Variants in ARL3 observed in about 807,000 individuals in gnomAD.
ARL3 encodes ADP-ribosylation factor-like protein 3.
A neutral mutation model predicts 26.0 loss-of-function variants in ARL3; 9 were observed. The ratio of observed to expected loss-of-function variants is 0.35; its 90% CI spans 0.21 to 0.60. The LOEUF (loss-of-function observed/expected upper bound fraction) is 0.60, where lower values mean the gene tolerates loss of function less well. Among genes scored for constraint, ARL3 ranks in the 20% least tolerant of loss-of-function variants. ARL3 has a pLI of 0.78. For missense variants in ARL3, 158 were observed against 215.7 expected (o/e 0.73, Z 1.67); for synonymous variants, 71 against 78.4 (o/e 0.91, Z 0.50).
chr10:102,711,316 G>C (rs1030069284), intron 1 of ARL3, among the ~76,000 whole-genome samples: 8 of 130,798 alleles, frequency 6.1e-5, no homozygotes, highest in Non-Finnish European at 1.0e-4. Context: ...TTCAGCTTCT[G>C]TGTGTGTGTG....
chr10:102,693,613 T>C (rs969144492), intron 3 of ARL3, among the ~76,000 whole-genome samples: 1 of 152,228 alleles, frequency 6.6e-6, no homozygotes, highest in African/African-American at 2.4e-5. Context: ...GCAAATATTT[T>C]CTCCCAGTCT....
intron 3 of ARL3, among the ~76,000 whole-genome samples, chr10:102,696,621 GA>G (rs2064250015): frequency 6.6e-6 from 1 of 152,162 alleles, no homozygotes; most frequent in Admixed American, 6.6e-5. Context: ...TACAGTGCAA[GA>G]GAAAGCTAAT....
intron 5 of ARL3, 114 bp from the exon 6 acceptor site, chr10:102,677,055 C>A (rs899679894): frequency 1.6e-6 from 2 of 1,215,560 alleles, no homozygotes; most frequent in Non-Finnish European, 2.4e-6. Context: ...AGACCGCCAG[C>A]TTTAGGGAGT....
chr10:102,691,772 CAGTGTGG>C (rs2064219233), intron 3 of ARL3, among the ~76,000 whole-genome samples: 2 of 152,280 alleles, frequency 1.3e-5, no homozygotes, highest in African/African-American at 4.8e-5. Context: ...CTCTTCTAGG[CAGTGTGG>C]AGTCTAGCGT....
At chr10:102,678,639 T>C (rs1415901292) in intron 5 of ARL3, among the ~76,000 whole-genome samples, 1 of 152,216 alleles carries the variant, frequency 6.6e-6, no homozygotes, top group Non-Finnish European at 1.5e-5. Flanking sequence ...TCAAGGACAG[T>C]GTGCCCACAC....
intron 1 of ARL3, among the ~76,000 whole-genome samples, chr10:102,710,568 A>C (rs1237519701): frequency 6.6e-6 from 1 of 152,234 alleles, no homozygotes; most frequent in East Asian, 1.9e-4. Flanking sequence ...TGGCCAAAAT[A>C]TCCATTCACG....
rs2064208601 is a variant in ARL3 at position 102,690,043 on chromosome 10, A to G, written c.265-100T>C. On this transcript the variant is annotated intron_variant, in intron 3 of 5. Transcript: ENST00000260746. ...GGTGATCCCCAATCAGCATATTCCA[A>G]TTAGCACAACATACAGAAATTGACT... The G allele has an allele frequency of 1.0e-5, 7 of 677,164 alleles. No individual in the cohort carries two copies. In the Admixed American group the frequency reaches 1.5e-4, roughly 14 times the overall value. The allele number at this position is 677,164 out of a possible 1,614,324, so 41.9% of individuals were successfully genotyped here. A position where few individuals can be genotyped will look rare whatever the true frequency, so the allele number is the denominator to read the frequency against.
chr10:102,695,674 C>T (rs1469419030), intron 3 of ARL3, among the ~76,000 whole-genome samples: 2 of 152,050 alleles, frequency 1.3e-5, no homozygotes, highest in African/African-American at 4.8e-5. Context: ...TGTGCCGCCA[C>T]GCCCAGCTAA....
intron 1 of ARL3, among the ~76,000 whole-genome samples, chr10:102,710,335 T>C (rs1272646854): frequency 6.6e-6 from 1 of 152,182 alleles, no homozygotes; most frequent in Admixed American, 6.5e-5. Context: ...GGGAAGAGGA[T>C]ATTTATAGAG....
At chr10:102,694,014 T>G (rs2064234041) in intron 3 of ARL3, among the ~76,000 whole-genome samples, 2 of 151,932 alleles carry the variant, frequency 1.3e-5, no homozygotes, top group South Asian at 2.1e-4. Context: ...TTGAGATGGA[T>G]TCTTGCTCTG....
At chr10:102,691,547 A>C (rs2136001315) in intron 3 of ARL3, among the ~76,000 whole-genome samples, 1 of 152,222 alleles carries the variant, frequency 6.6e-6, no homozygotes, top group East Asian at 1.9e-4. Context: ...AATTTCATAT[A>C]ATTTTCACAT....
chr10:102,680,830 T>C (rs1396944078), intron 5 of ARL3, among the ~76,000 whole-genome samples: 1 of 152,124 alleles, frequency 6.6e-6, no homozygotes, highest in Non-Finnish European at 1.5e-5. Context: ...CATTGTGCCA[T>C]CAGGCCCCCA....
intron 4 of ARL3, among the ~76,000 whole-genome samples, chr10:102,689,389 C>T (rs1463866464): frequency 6.6e-6 from 1 of 152,104 alleles, no homozygotes; most frequent in Non-Finnish European, 1.5e-5. Flanking sequence ...GGTATTTTTG[C>T]CTGCTTGCTA....
intron 4 of ARL3, among the ~76,000 whole-genome samples, chr10:102,689,338 A>C (rs760890879): frequency 4.6e-5 from 7 of 152,102 alleles, no homozygotes; most frequent in Non-Finnish European, 8.8e-5. Flanking sequence ...AGGGGGGAAA[A>C]AAAAACTGTT....
intron 5 of ARL3, among the ~76,000 whole-genome samples, chr10:102,678,349 C>T (rs2064140489): frequency 1.3e-5 from 2 of 151,918 alleles, no homozygotes; most frequent in Admixed American, 6.6e-5. Flanking sequence ...ATTTTAAGAC[C>T]ATTTTATGAA....
At chr10:102,695,308 GC>G (rs1441241160) in intron 3 of ARL3, among the ~76,000 whole-genome samples, 1 of 152,094 alleles carries the variant, frequency 6.6e-6, no homozygotes, top group Non-Finnish European at 1.5e-5. Context: ...TATGAGTTTT[GC>G]AGGTTTCTTC....
intron 3 of ARL3, among the ~76,000 whole-genome samples, chr10:102,690,829 G>A (rs371391480): frequency 1.6e-4 from 24 of 150,878 alleles, no homozygotes; most frequent in Admixed American, 2.0e-4. Context: ...TCTCAATGTC[G>A]TCTTCCCTAA....
chr10:102,678,223 G>C (rs957142168), intron 5 of ARL3, among the ~76,000 whole-genome samples: 1 of 152,188 alleles, frequency 6.6e-6, no homozygotes, highest in African/African-American at 2.4e-5. Context: ...AAGGTGGACA[G>C]CACCTGGCAG....
rs547020577 is a variant in ARL3 at position 102,697,226 on chromosome 10, C to A, written c.264+2147G>T. On this transcript the variant is annotated intron_variant, in intron 3 of 5. Transcript: ENST00000260746. ...AGAGAGTCTCGCTGTGTTGCCCAGG[C>A]TGGAGTGCAGTGGCGCAATCTTGGC... Among the ~76,000 whole-genome samples the A allele has an allele frequency of 1.3e-3, 195 of 151,046 alleles. 1 individual carries two copies. The highest frequency in any genetic ancestry group is 4.5e-3 in the African/African-American group (184 of 41,052).
Sources: allele counts gnomAD v4.1 joint callset (sites outside exome capture counted in the v4.1 genomes callset), GRCh38; gene constraint gnomAD v4.1.1; transcripts MANE v1.5; gene names NCBI Gene and HGNC (gene_info 2026-07-23, HGNC 2026-07-21).